The following PTPRD variants were observed in gnomAD, a reference collection of about 807,000 sequenced individuals.
PTPRD encodes receptor-type tyrosine-protein phosphatase delta.
A neutral mutation model predicts 214.5 loss-of-function variants in PTPRD; 34 were observed. The observed-to-expected ratio is 0.16, with a 90% confidence interval of 0.12 to 0.21. PTPRD has a LOEUF of 0.21. Ranked by LOEUF, PTPRD falls within the 10% of genes least tolerant of loss-of-function variation. The pLI is 1.00. For synonymous variants in PTPRD, 1,128 were observed against 845.7 expected, an observed-to-expected ratio of 1.33 and a Z score of -5.79; for missense variants, 2,545 against 2,398.7, an observed-to-expected ratio of 1.06 and a Z score of -1.27.
chr9:9,912,830 G>A (rs2079593388), intron 5 of PTPRD, among the ~76,000 whole-genome samples: 2 of 152,090 alleles, frequency 1.3e-5, no homozygotes, highest in South Asian at 4.1e-4. Context: ...TGAGAATATT[G>A]CAAGAGTTTT....
intron 8 of PTPRD, among the ~76,000 whole-genome samples, chr9:9,523,545 A>G (rs545090283): frequency 4.1e-4 from 63 of 152,278 alleles, no homozygotes; most frequent in African/African-American, 1.5e-3. Flanking sequence ...TTGCTTATCT[A>G]TAATTCCTAA....
chr9:10,036,257 T>A (rs1486889218), intron 3 of PTPRD, among the ~76,000 whole-genome samples: 1 of 152,152 alleles, frequency 6.6e-6, no homozygotes, highest in East Asian at 1.9e-4. Flanking sequence ...CCTTTCTCCT[T>A]GACATCTAAG....
chr9:10,102,903 T>C (rs439467), intron 3 of PTPRD, among the ~76,000 whole-genome samples: 68,536 of 151,500 alleles, frequency 0.45, 16,444 homozygotes, highest in African/African-American at 0.57. Flanking sequence ...ATTTTCCCAA[T>C]GTATTTCACA....
chr9:8,995,268 CTA>C (rs1450212638), intron 11 of PTPRD, among the ~76,000 whole-genome samples: 7 of 151,880 alleles, frequency 4.6e-5, no homozygotes, highest in Non-Finnish European at 8.8e-5. Context: ...TGGCATTATG[CTA>C]TGTTTAAAAA....
chr9:9,391,896 C>G (rs993592744), intron 9 of PTPRD, among the ~76,000 whole-genome samples: 7 of 152,074 alleles, frequency 4.6e-5, no homozygotes, highest in African/African-American at 1.4e-4. Context: ...TTAAAGAAGA[C>G]TTTGGTTCAC....
chr9:10,192,921 T>G (rs756841858), intron 3 of PTPRD, among the ~76,000 whole-genome samples: 2 of 152,302 alleles, frequency 1.3e-5, no homozygotes, highest in African/African-American at 4.8e-5. Context: ...GACATCTACC[T>G]TATTTCCCAA....
At chr9:9,908,397 G>C (rs528642093) in intron 5 of PTPRD, among the ~76,000 whole-genome samples, 1 of 152,094 alleles carries the variant, frequency 6.6e-6, no homozygotes, top group East Asian at 1.9e-4. Flanking sequence ...TCTCCAGCCT[G>C]TCTGAGGACT....
At chr9:9,749,193 T>C (rs535982656) in intron 6 of PTPRD, among the ~76,000 whole-genome samples, 61 of 152,218 alleles carry the variant, frequency 4.0e-4, no homozygotes, top group African/African-American at 1.4e-3. Context: ...CAGTTTCAAA[T>C]CTCAGTCAAT....
In PTPRD at chr9:9,730,261, T is replaced by A. The variant is rs182435957; in HGVS notation, c.-287+4272A>T. 6.6e-5 allele frequency among the ~76,000 whole-genome samples: 10 copies of A among 152,240 alleles called. No homozygotes were observed. The East Asian group carries it at 1.5e-3, about 24-fold the overall frequency. ...ACATGAATTTAATTTGCAAGTTACCTATAATACTGTTAAAAAAAATTCAGG... is the reference window on the plus strand; with the variant it reads ...ACATGAATTTAATTTGCAAGTTACCAATAATACTGTTAAAAAAAATTCAGG... On this transcript the variant is annotated intron_variant, in intron 7 of 45. Transcript: ENST00000381196.
intron 14 of PTPRD, among the ~76,000 whole-genome samples, chr9:8,542,689 T>G (rs1593219662): frequency 6.6e-6 from 1 of 152,250 alleles, no homozygotes; most frequent in Non-Finnish European, 1.5e-5. Context: ...AGTTGAACAC[T>G]GATCCAGCTT....
At position 8,341,965 on chromosome 9, in the gene PTPRD, G is replaced by A. The variant is rs373544487; in HGVS notation, c.4675C>T (p.Arg1559Trp). ...TCTATGACGATGAAGCAACCAGTCC[G>A]GCCAACTCCCGCACTATGAGGAAAA... Reference protein sequence around the residue: ...MVVHCSAGVGRTGCFIVIDAM... With the variant: ...MVVHCSAGVGWTGCFIVIDAM... Residue 1559 changes from arginine to tryptophan, a missense_variant, in exon 40 of 46, where the codon CGG (arginine) becomes TGG (tryptophan). Physicochemically the swap from Arg to Trp is moderately radical, Grantham distance 101. Transcript: ENST00000381196. 7 of 1,609,876 alleles carry A rather than the reference G, an allele frequency of 4.3e-6. No homozygotes were observed. The highest frequency in any genetic ancestry group is 2.7e-5 in the African/African-American group (2 of 74,734).
chr9:8,651,838 C>T (rs529856495), intron 12 of PTPRD, among the ~76,000 whole-genome samples: 1 of 152,206 alleles, frequency 6.6e-6, no homozygotes, highest in South Asian at 2.1e-4. Context: ...GGTAAGAGAA[C>T]TTGGATAACA....
intron 9 of PTPRD, among the ~76,000 whole-genome samples, chr9:9,225,772 A>T (rs1239553312): frequency 6.6e-6 from 1 of 152,092 alleles, no homozygotes; most frequent in Non-Finnish European, 1.5e-5. Context: ...CCAATAGAAC[A>T]TAAAATACAG....
intron 7 of PTPRD, among the ~76,000 whole-genome samples, chr9:9,684,595 T>C (rs754253296): frequency 6.6e-6 from 1 of 151,662 alleles, no homozygotes; most frequent in East Asian, 1.9e-4. Context: ...AGGCAGGAAC[T>C]TCCTTCTTAA....
At chr9:9,530,683 C>T (rs757557322) in intron 8 of PTPRD, among the ~76,000 whole-genome samples, 2 of 152,000 alleles carry the variant, frequency 1.3e-5, no homozygotes, top group African/African-American at 2.4e-5. Flanking sequence ...CAATGACACA[C>T]AATGAAATAC....
At chr9:8,839,300 T>TTTTTTTTA (rs1555412098) in intron 11 of PTPRD, among the ~76,000 whole-genome samples, 2 of 150,326 alleles carry the variant, frequency 1.3e-5, no homozygotes, top group African/African-American at 4.9e-5. Flanking sequence ...ACCAAGGGGA[T>TTTTTTTTA]TTTATTTATT....
chr9:10,599,396 A>G (rs2077430859), intron 2 of PTPRD, among the ~76,000 whole-genome samples: 6 of 151,818 alleles, frequency 4.0e-5, no homozygotes. Context: ...AACTTATACA[A>G]CAATGAATGC....
At chr9:9,447,271 T>C (rs1256704720) in intron 8 of PTPRD, among the ~76,000 whole-genome samples, 1 of 152,142 alleles carries the variant, frequency 6.6e-6, no homozygotes, top group Admixed American at 6.5e-5. Flanking sequence ...AACCTAAATG[T>C]CCAGCAATGA....
chr9:10,048,186 T>C (rs185266679), intron 3 of PTPRD, among the ~76,000 whole-genome samples: 2 of 152,296 alleles, frequency 1.3e-5, no homozygotes, highest in East Asian at 3.9e-4. Context: ...CTTGATCTTC[T>C]GCATTGCTTT....
Sources: gnomAD v4.1 joint callset for allele counts (sites outside exome capture counted in the v4.1 genomes callset) on GRCh38, gnomAD v4.1.1 for gene constraint, MANE v1.5 for transcripts, NCBI Gene and HGNC (gene_info 2026-07-23, HGNC 2026-07-21) for gene names.